Variants in SCCPDH observed in about 807,000 individuals in gnomAD.
The protein encoded by SCCPDH is saccharopine dehydrogenase-like oxidoreductase.
A neutral mutation model predicts 51.5 loss-of-function variants in SCCPDH; 34 were observed. That is an observed-to-expected ratio of 0.66 (90% CI 0.50 to 0.88). The LOEUF is 0.88. Ranked by LOEUF, SCCPDH falls within the 40% of genes least tolerant of loss-of-function variation. The pLI is 0.00. For missense variants in SCCPDH, 464 were observed against 527.1 expected (o/e 0.88, Z 1.17); for synonymous variants, 187 against 191.3 (o/e 0.98, Z 0.19).
rs1216814872 is a variant in SCCPDH at position 246,754,308 on chromosome 1, AC to A, written c.565-3915del. ...CTGAGAGTCCGGGTTTATTTGTCACACCCGGTGGGTCTTGATTCCTTACCCC... is the reference window on the plus strand; with the variant it reads ...CTGAGAGTCCGGGTTTATTTGTCACACCGGTGGGTCTTGATTCCTTACCCC... On this transcript the variant is annotated intron_variant, in intron 5 of 11. Transcript: ENST00000366510. 2.0e-5 allele frequency among the ~76,000 whole-genome samples: 3 copies of A among 152,092 alleles called. No individual in the cohort carries two copies. In the East Asian group the frequency reaches 5.8e-4, roughly 30 times the overall value.
Position 246,726,790 on chromosome 1 carries a change from G to C in SCCPDH, c.191-102G>C, listed in dbSNP as rs1410688776. The C allele has an allele frequency of 6.3e-5, 48 of 756,958 alleles. 2 individuals carry two copies. In the South Asian group the frequency reaches 7.3e-4, roughly 11 times the overall value. 46.9% of individuals were successfully genotyped at this position (756,958 alleles called of 1,614,324 possible). On this transcript the variant is annotated intron_variant, in intron 1 of 11. Transcript: ENST00000366510. ...AGGAGAGCTAGCTTTCAGCATATCA[G>C]TGTATTTAGTAATTTGCTGTCACTG... is the stretch of plus-strand genomic sequence containing the variant.
chr1:246,726,869 C>A, intron 1 of SCCPDH, 23 bp from the exon 2 acceptor site: 1 of 1,525,110 alleles, frequency 6.6e-7, no homozygotes, highest in South Asian at 1.1e-5. Flanking sequence ...GATTTACTTT[C>A]CTTCATTTGT....
chr1:246,765,863 C>T (rs1669080419), intron 10 of SCCPDH, among the ~76,000 whole-genome samples, 195 bp from the exon 11 acceptor site: 1 of 152,040 alleles, frequency 6.6e-6, no homozygotes. Context: ...GTTTAATAGA[C>T]CTAAAGCACT....
chr1:246,746,326 A>G (rs1184357019), intron 5 of SCCPDH, among the ~76,000 whole-genome samples: 4 of 152,154 alleles, frequency 2.6e-5, no homozygotes, highest in Non-Finnish European at 4.4e-5. Flanking sequence ...AGAACGGAAC[A>G]GAACAGGACA....
At chr1:246,761,751 C>T (rs1669018837) in intron 9 of SCCPDH, among the ~76,000 whole-genome samples, 1 of 152,226 alleles carries the variant, frequency 6.6e-6, no homozygotes, top group African/African-American at 2.4e-5. Flanking sequence ...GAATGATTGT[C>T]TGTTGCCTGT....
At chr1:246,724,682 C>A in intron 1 of SCCPDH, 70 bp downstream of exon 1, 1 of 1,337,650 alleles carries the variant, frequency 7.5e-7, no homozygotes, top group Non-Finnish European at 9.7e-7. Flanking sequence ...CCCAAACGAG[C>A]GTTTCTCCCG....
At chr1:246,727,056 G>A (rs1344462254) in intron 2 of SCCPDH, 52 bp downstream of exon 2, 10 of 1,328,754 alleles carry the variant, frequency 7.5e-6, no homozygotes, top group Non-Finnish European at 1.1e-5. Flanking sequence ...TTCATTTCTA[G>A]CAAAATATTC....
intron 2 of SCCPDH, among the ~76,000 whole-genome samples, chr1:246,727,716 G>A (rs1668424078): frequency 6.6e-6 from 1 of 152,196 alleles, no homozygotes; most frequent in Admixed American, 6.5e-5. Context: ...TTTGAGGAGA[G>A]ACTTTTCCAG....
In SCCPDH at chr1:246,763,081, G is replaced by T. The variant is rs923873108; in HGVS notation, c.991-1165G>T. 1.8e-4 allele frequency among the ~76,000 whole-genome samples: 28 copies of T among 152,110 alleles called. 1 individual carries two copies. Among genetic ancestry groups the T allele is most frequent in the African/African-American group, 6.8e-4 (28 of 41,410 alleles). The stretch of plus-strand genomic sequence containing the variant: ...ATCTGCCCAGTGATGCTAATGTGCT[G>T]CCAGGGTTGAGAATCACCACTGCGG... On this transcript the variant is annotated intron_variant, in intron 9 of 11. Transcript: ENST00000366510.
At chr1:246,726,641 C>T (rs887873900) in intron 1 of SCCPDH, among the ~76,000 whole-genome samples, 9 of 152,172 alleles carry the variant, frequency 5.9e-5, no homozygotes, top group East Asian at 3.8e-4. Context: ...ATTTACACAA[C>T]GCTTTGATTC....
intron 5 of SCCPDH, among the ~76,000 whole-genome samples, chr1:246,746,107 C>CAAA (rs756929255): frequency 0.027 from 2,149 of 78,786 alleles, 179 homozygotes; most frequent in African/African-American, 0.14. Context: ...GACTCCATCT[C>CAAA]AAAAAAAAAA....
chr1:246,748,662 G>T (rs1277296440), intron 5 of SCCPDH, among the ~76,000 whole-genome samples: 3 of 152,112 alleles, frequency 2.0e-5, no homozygotes, highest in Non-Finnish European at 4.4e-5. Flanking sequence ...CTTAAATCCT[G>T]CAGCTATTTG....
At chr1:246,736,194 G>T in intron 3 of SCCPDH, 139 bp downstream of exon 3, 2 of 613,558 alleles carry the variant, frequency 3.3e-6, no homozygotes, top group South Asian at 3.9e-5. Flanking sequence ...TATTCGTGTG[G>T]TATTCCATTG....
rs778181487 is a variant in SCCPDH at position 246,726,844 on chromosome 1, A to G, written c.191-48A>G. The G allele has an allele frequency of 2.4e-5, 31 of 1,303,742 alleles. 1 individual carries two copies. In the South Asian group the frequency reaches 3.6e-4, roughly 15 times the overall value. 80.8% of individuals were successfully genotyped at this position (1,303,742 alleles called of 1,614,324 possible). A position where few individuals can be genotyped will look rare whatever the true frequency, so the allele number is the denominator to read the frequency against. On this transcript the variant is annotated intron_variant, in intron 1 of 11. Transcript: ENST00000366510. ...ACTGTAAAAAGAAGATAAGGAAGAT[A>G]TAATCCTCTACTGGGATTTACTTTC...
intron 3 of SCCPDH, among the ~76,000 whole-genome samples, chr1:246,738,658 C>G (rs1027046698): frequency 1.6e-4 from 25 of 151,904 alleles, no homozygotes; most frequent in African/African-American, 5.3e-4. Flanking sequence ...AGTTTGAGAC[C>G]AGCCTGACCA....
intron 7 of SCCPDH, 93 bp from the exon 8 acceptor site, chr1:246,759,864 T>G: frequency 7.4e-7 from 1 of 1,344,012 alleles, no homozygotes; most frequent in Non-Finnish European, 1.0e-6. Flanking sequence ...GTTCCACATT[T>G]GTGATGGAAG....
rs773698540 is a variant in SCCPDH, at chr1:246,736,010, T to C, written c.339T>C (p.Cys113=). ...RFYGEPVIKA[C]IENGASCIDI... ...ATGGAGAACCTGTAATAAAAGCATG[T>C]ATTGAAAATGGAGCCAGTTGTATCG... Residue 113 remains cysteine, a synonymous_variant, in exon 3 of 12, where the codon TGT becomes TGC. Coordinates refer to ENST00000366510, the MANE Select transcript of SCCPDH (RefSeq NM_016002.3). 1.9e-5 allele frequency: 30 copies of C among 1,613,086 alleles called. No individual in the cohort carries two copies. The highest frequency in any genetic ancestry group is 2.5e-5 in the Non-Finnish European group (29 of 1,179,128).
chr1:246,730,034 C>T (rs1668469018), intron 2 of SCCPDH, among the ~76,000 whole-genome samples: 1 of 152,024 alleles, frequency 6.6e-6, no homozygotes, highest in Non-Finnish European at 1.5e-5. Context: ...TGATATCTCC[C>T]ATATTTTAAA....
At chr1:246,730,468 T>C (rs1259467178) in intron 2 of SCCPDH, among the ~76,000 whole-genome samples, 1 of 152,170 alleles carries the variant, frequency 6.6e-6, no homozygotes, top group African/African-American at 2.4e-5. Flanking sequence ...GGCATTAGGT[T>C]GCAGTAAAGT....
Sources: allele counts gnomAD v4.1 joint callset (sites outside exome capture counted in the v4.1 genomes callset), GRCh38; gene constraint gnomAD v4.1.1; transcripts MANE v1.5; gene names NCBI Gene and HGNC (gene_info 2026-07-23, HGNC 2026-07-21).